MYOCOS: variants seen among roughly 807,000 people sequenced by gnomAD.
The protein encoded by MYOCOS is myocilin opposite strand protein.
intron 1 of MYOCOS, among the ~76,000 whole-genome samples, chr1:171,605,623 C>A (rs1027888336): frequency 6.6e-6 from 1 of 152,036 alleles, no homozygotes; most frequent in Admixed American, 6.6e-5. Context: ...TTCTTACTGC[C>A]CATAAATCAG....
At chr1:171,625,146 G>A (rs1372667198) in intron 2 of MYOCOS, among the ~76,000 whole-genome samples, 1 of 152,120 alleles carries the variant, frequency 6.6e-6, no homozygotes, top group South Asian at 2.1e-4. Context: ...GTTGATAGTG[G>A]TGCACAGCCA....
At chr1:171,612,830 CA>C (rs578130383) in intron 1 of MYOCOS, among the ~76,000 whole-genome samples, 1 of 151,514 alleles carries the variant, frequency 6.6e-6, no homozygotes, top group Non-Finnish European at 1.5e-5. Flanking sequence ...AACTCCATCT[CA>C]AAAAAAACAA....
upstream of MYOCOS, chr1:171,622,099 T>C (rs1160914080): frequency 6.6e-6 from 1 of 152,162 alleles, no homozygotes; most frequent in Non-Finnish European, 1.5e-5. Context: ...TGCTGTGAAT[T>C]ATCAGGAAGA....
chr1:171,618,784 C>T (rs929575966), upstream of MYOCOS, among the ~76,000 whole-genome samples: 28 of 152,170 alleles, frequency 1.8e-4, no homozygotes, highest in African/African-American at 5.8e-4. Flanking sequence ...CCATGTTGGC[C>T]AGGCTGGTCT....
intron 1 of MYOCOS, among the ~76,000 whole-genome samples, chr1:171,603,231 A>C (rs948773070): frequency 1.5e-4 from 23 of 152,178 alleles, no homozygotes; most frequent in African/African-American, 5.6e-4. Flanking sequence ...GAAGGGATGC[A>C]GTGAGCTTAA....
upstream of MYOCOS, among the ~76,000 whole-genome samples, chr1:171,620,195 G>A (rs1652533089): frequency 1.3e-5 from 2 of 151,498 alleles, no homozygotes; most frequent in African/African-American, 4.8e-5. Context: ...ATGAAGGTGA[G>A]GACTGAACTC....
At chr1:171,622,915 T>C (rs1652602768) in intron 1 of MYOCOS, among the ~76,000 whole-genome samples, 1 of 152,176 alleles carries the variant, frequency 6.6e-6, no homozygotes, top group African/African-American at 2.4e-5. Flanking sequence ...CATGTGGGTT[T>C]ACGGTGGTTA....
intron 1 of MYOCOS, among the ~76,000 whole-genome samples, chr1:171,606,572 C>T (rs1176222097): frequency 2.0e-5 from 3 of 152,242 alleles, no homozygotes; most frequent in Non-Finnish European, 2.9e-5. Context: ...CATTGTGGAA[C>T]TCCCTGCTCT....
intron 1 of MYOCOS, among the ~76,000 whole-genome samples, chr1:171,608,604 G>C (rs1480192558): frequency 1.3e-5 from 2 of 151,764 alleles, no homozygotes; most frequent in Non-Finnish European, 2.9e-5. Context: ...TGTATTTTTA[G>C]TAGAGATGGG....
At chr1:171,616,650 ATGTTTAT>A (rs1344805693) in intron 2 of MYOCOS, among the ~76,000 whole-genome samples, 1 of 152,196 alleles carries the variant, frequency 6.6e-6, no homozygotes, top group Non-Finnish European at 1.5e-5. Context: ...TCGAGTTTAC[ATGTTTAT>A]TGTTTATATT....
chr1:171,625,770 C>G (rs1269616613), intron 2 of MYOCOS, among the ~76,000 whole-genome samples: 2 of 152,140 alleles, frequency 1.3e-5, no homozygotes, highest in Non-Finnish European at 2.9e-5. Context: ...TTAGACACAG[C>G]CTGTCCCAGG....
At chr1:171,619,407 T>C (rs1652513164), upstream of MYOCOS, among the ~76,000 whole-genome samples, 2 of 152,172 alleles carry the variant, frequency 1.3e-5, no homozygotes, top group African/African-American at 4.8e-5. Flanking sequence ...GAAATAGTGA[T>C]TTTTCCTGGA....
intron 1 of MYOCOS, among the ~76,000 whole-genome samples, chr1:171,610,871 G>A (rs1652340028): frequency 6.6e-6 from 1 of 152,222 alleles, no homozygotes. Flanking sequence ...CTCTGATAGT[G>A]GTGCTAGTTT....
intron 1 of MYOCOS, among the ~76,000 whole-genome samples, chr1:171,607,562 A>C (rs1006136364): frequency 1.3e-5 from 2 of 152,214 alleles, no homozygotes; most frequent in African/African-American, 4.8e-5. Flanking sequence ...CTCTAAAAAA[A>C]ACGATGCTTA....
intron 2 of MYOCOS, among the ~76,000 whole-genome samples, chr1:171,617,146 CAGACAGTGTG>C (rs1310263044): frequency 2.0e-5 from 3 of 152,104 alleles, no homozygotes; most frequent in African/African-American, 7.2e-5. Flanking sequence ...TGAGACAGGG[CAGACAGTGTG>C]AGAAAGTTCT....
intron 1 of MYOCOS, among the ~76,000 whole-genome samples, chr1:171,601,695 A>C (rs1475935006): frequency 6.6e-6 from 1 of 152,102 alleles, no homozygotes; most frequent in African/African-American, 2.4e-5. Flanking sequence ...AGTATGACAC[A>C]AGTTAACCTG....
chr1:171,611,597 A>C (rs568846220), intron 1 of MYOCOS, among the ~76,000 whole-genome samples: 2 of 152,330 alleles, frequency 1.3e-5, no homozygotes, highest in South Asian at 4.1e-4. Flanking sequence ...TCTTCTGCTT[A>C]GTATCAACCA....
At chr1:171,605,395 A>ACACACACACACACACAC in intron 1 of MYOCOS, among the ~76,000 whole-genome samples, 2 of 114,764 alleles carry the variant, frequency 1.7e-5, no homozygotes, top group South Asian at 5.6e-4. Flanking sequence ...ACACACACAC[A>ACACACACACACACACAC]AAAAAAAAAA....
chr1:171,610,454 A>C (rs1485119510), intron 1 of MYOCOS, among the ~76,000 whole-genome samples: 2 of 152,212 alleles, frequency 1.3e-5, no homozygotes, highest in Non-Finnish European at 2.9e-5. Flanking sequence ...TAATTTATAA[A>C]GAAAACTTTA....
Sources: gnomAD v4.1 joint callset for allele counts (sites outside exome capture counted in the v4.1 genomes callset) on GRCh38, gnomAD v4.1.1 for gene constraint, MANE v1.5 for transcripts, NCBI Gene and HGNC (gene_info 2026-07-23, HGNC 2026-07-21) for gene names.